The following SORCS1 variants were observed in gnomAD, a reference collection of about 807,000 sequenced individuals.
SORCS1 encodes sortilin related VPS10 domain containing receptor 1.
SORCS1 carries 60 observed loss-of-function variants against 146.1 expected under a neutral mutation model. That is an observed-to-expected ratio of 0.41 (90% CI 0.33 to 0.51). SORCS1 has a LOEUF of 0.51. Among genes scored for constraint, SORCS1 ranks in the 20% least tolerant of loss-of-function variants. The pLI is 0.21. For missense variants in SORCS1, 1,352 were observed against 1,487.6 expected (o/e 0.91, Z 1.50); for synonymous variants, 637 against 584.0 (o/e 1.09, Z -1.31).
intron 2 of SORCS1, among the ~76,000 whole-genome samples, chr10:106,913,850 G>A (rs1052632445): frequency 1.6e-4 from 25 of 152,204 alleles, no homozygotes. Flanking sequence ...CCTAAGAAAT[G>A]TCCTTGAGTT....
rs1969979904 is a variant in SORCS1 at position 107,164,658 on chromosome 10, C to A, written c.-132G>T. 1.4e-6 allele frequency: 1 copy of A among 701,950 alleles called. No homozygotes were observed. The highest frequency in any genetic ancestry group is 4.6e-4 in the Middle Eastern group (1 of 2,196). 43.5% of individuals were successfully genotyped at this position (701,950 alleles called of 1,614,324 possible). A position where few individuals can be genotyped will look rare whatever the true frequency, so the allele number is the denominator to read the frequency against. On this transcript the variant is annotated 5_prime_UTR_variant, in exon 1 of 26. Coordinates refer to ENST00000263054, the MANE Select transcript of SORCS1 (RefSeq NM_052918.5). The surrounding 1 kb of genome is among the most constrained non-coding windows in gnomAD (Gnocchi z 6.8). ...CAAGTTGCGCCGCGGTGGGGGCGGG[C>A]GGAGGCGGCGCCGGGCAGGTGGCGG...
intron 1 of SORCS1, among the ~76,000 whole-genome samples, chr10:107,141,700 G>A (rs143844887): frequency 6.6e-6 from 1 of 152,290 alleles, no homozygotes. Context: ...AAGGCTGCCT[G>A]TAACAAGGAG....
chr10:106,838,517 G>T (rs1472293238), intron 2 of SORCS1, among the ~76,000 whole-genome samples: 1 of 152,080 alleles, frequency 6.6e-6, no homozygotes, highest in Non-Finnish European at 1.5e-5. Context: ...AATGCATAAT[G>T]ACATGTATCC....
chr10:107,157,941 G>C (rs1423241539), intron 1 of SORCS1, among the ~76,000 whole-genome samples: 2 of 152,142 alleles, frequency 1.3e-5, no homozygotes, highest in East Asian at 3.8e-4. Context: ...ACACCTTTTA[G>C]CCACAAAATA....
chr10:106,584,542 A>G (rs559750494), intron 24 of SORCS1, among the ~76,000 whole-genome samples: 1 of 152,216 alleles, frequency 6.6e-6, no homozygotes, highest in South Asian at 2.1e-4. Flanking sequence ...GAGACTTTCT[A>G]CTAGAATTAT....
At chr10:107,036,092 G>T (rs1375589945) in intron 1 of SORCS1, among the ~76,000 whole-genome samples, 2 of 151,824 alleles carry the variant, frequency 1.3e-5, no homozygotes, top group African/African-American at 4.8e-5. Flanking sequence ...AAGCCCATCT[G>T]TATGTATAGT....
Position 106,947,799 on chromosome 10 carries a change from G to A in SORCS1, c.626+8714C>T, listed in dbSNP as rs903478155. Among the ~76,000 whole-genome samples, 107 of 149,502 alleles carry A rather than the reference G, an allele frequency of 7.2e-4. 1 individual carries two copies. The highest frequency in any genetic ancestry group is 1.2e-4 in the Non-Finnish European group (8 of 67,578). ...AGAGGCAGAGGTTGCAGTGAGCCGAGAACATGCCATCACTCTTCACAAGAG... is the reference window on the plus strand; with the variant it reads ...AGAGGCAGAGGTTGCAGTGAGCCGAAAACATGCCATCACTCTTCACAAGAG... On this transcript the variant is annotated intron_variant, in intron 2 of 25. Coordinates refer to ENST00000263054, the MANE Select transcript of SORCS1 (RefSeq NM_052918.5).
intron 2 of SORCS1, among the ~76,000 whole-genome samples, chr10:106,915,770 T>G (rs771086665): frequency 6.6e-6 from 1 of 152,208 alleles, no homozygotes; most frequent in South Asian, 2.1e-4. Flanking sequence ...CTTCCAATAA[T>G]GTATTGCCCC....
At chr10:106,932,102 A>G (rs1459668510) in intron 2 of SORCS1, among the ~76,000 whole-genome samples, 1 of 152,168 alleles carries the variant, frequency 6.6e-6, no homozygotes, top group East Asian at 1.9e-4. Context: ...CAAGCAGATC[A>G]TTAGTCAATT....
chr10:106,639,669 G>T (rs1489005132), intron 18 of SORCS1, among the ~76,000 whole-genome samples: 1 of 152,110 alleles, frequency 6.6e-6, no homozygotes, highest in Non-Finnish European at 1.5e-5. Context: ...ATGGAGTAAG[G>T]AATAACATAG....
chr10:106,768,239 A>G (rs1242993443), intron 4 of SORCS1, among the ~76,000 whole-genome samples: 1 of 152,218 alleles, frequency 6.6e-6, no homozygotes, highest in East Asian at 1.9e-4. Context: ...TCATGAGGTT[A>G]GAAATCAGAT....
chr10:106,730,193 C>T, intron 5 of SORCS1, 79 bp from the exon 6 acceptor site: 1 of 1,349,894 alleles, frequency 7.4e-7, no homozygotes, highest in Non-Finnish European at 1.1e-6. Flanking sequence ...GGCAGAGCCC[C>T]CAGACTATTA....
intron 3 of SORCS1, among the ~76,000 whole-genome samples, chr10:106,778,171 C>T (rs945698984): frequency 4.6e-5 from 7 of 152,020 alleles, no homozygotes; most frequent in Admixed American, 1.3e-4. Flanking sequence ...GACACTCTGC[C>T]CAAACTCTGT....
At chr10:106,773,544 T>C (rs1030042601) in intron 4 of SORCS1, among the ~76,000 whole-genome samples, 26 of 152,192 alleles carry the variant, frequency 1.7e-4, no homozygotes, top group African/African-American at 6.0e-4. Context: ...TGGCTATCCA[T>C]GATGTGTTTT....
intron 1 of SORCS1, among the ~76,000 whole-genome samples, chr10:107,042,846 A>G (rs946436743): frequency 2.6e-5 from 4 of 152,036 alleles, no homozygotes; most frequent in Non-Finnish European, 4.4e-5. Context: ...CTGACCTTAA[A>G]TGATCCACCT....
At chr10:106,838,534 T>G (rs1948884436) in intron 2 of SORCS1, among the ~76,000 whole-genome samples, 1 of 152,194 alleles carries the variant, frequency 6.6e-6, no homozygotes. Flanking sequence ...ATCCACCACT[T>G]GACATCATAG....
At chr10:106,909,915 C>A (rs1225619035) in intron 2 of SORCS1, among the ~76,000 whole-genome samples, 1 of 152,142 alleles carries the variant, frequency 6.6e-6, no homozygotes, top group African/African-American at 2.4e-5. Flanking sequence ...GGTTAAGTCT[C>A]CAGAGCTTGT....
chr10:106,925,281 G>A lies in SORCS1; in HGVS notation c.626+31232C>T, dbSNP rs1239824666. On this transcript the variant is annotated intron_variant, in intron 2 of 25. Coordinates refer to ENST00000263054, the MANE Select transcript of SORCS1 (RefSeq NM_052918.5). Reference sequence around the variant, plus strand: ...AGAGCAGCCTCAGATTTTCCTCCAGGGCCCTTTGTGGGCCAGCACTCAGGC... The same window carrying A: ...AGAGCAGCCTCAGATTTTCCTCCAGAGCCCTTTGTGGGCCAGCACTCAGGC... Among the ~76,000 whole-genome samples, 2 of 151,844 alleles carry A rather than the reference G, an allele frequency of 1.3e-5. 1 individual carries two copies. Among genetic ancestry groups the A allele is most frequent in the Non-Finnish European group, 2.9e-5 (2 of 67,968 alleles).
chr10:107,179,511 A>T, the SORCS1 span, among the ~76,000 whole-genome samples: 1 of 152,196 alleles, frequency 6.6e-6, no homozygotes, highest in Non-Finnish European at 1.5e-5. Flanking sequence ...TTTACTCTGC[A>T]TGATTCTATG....
Sources: allele counts gnomAD v4.1 joint callset (sites outside exome capture counted in the v4.1 genomes callset), GRCh38; gene constraint gnomAD v4.1.1; non-coding constraint Gnocchi (gnomAD v3.1); transcripts MANE v1.5; gene names NCBI Gene and HGNC (gene_info 2026-07-23, HGNC 2026-07-21).